The following BPTF variants were observed in gnomAD, a reference collection of about 807,000 sequenced individuals.
BPTF encodes the protein bromodomain PHD finger transcription factor.
A neutral mutation model predicts 292.5 loss-of-function variants in BPTF; 18 were observed. The observed-to-expected ratio is 0.06, with a 90% CI of 0.04 to 0.09. The LOEUF is 0.09. Ranked by LOEUF, BPTF falls within the 10% of genes least tolerant of loss-of-function variation. The probability of loss-of-function intolerance (pLI) is 1.00; values close to 1 mark genes in which losing one functional copy is unlikely to be tolerated. For synonymous variants in BPTF, 1,225 were observed against 1,251.9 expected (o/e 0.98, Z 0.45); for missense variants, 2,726 against 3,498.7 (o/e 0.78, Z 5.57).
intron 18 of BPTF, among the ~76,000 whole-genome samples, chr17:67,939,458 G>C (rs928066447): frequency 1.3e-5 from 2 of 152,132 alleles, no homozygotes; most frequent in African/African-American, 2.4e-5. Context: ...TTCTACATGG[G>C]GGAAAATTCC....
chr17:67,979,815 C>T (rs1470271320), intron 27 of BPTF, among the ~76,000 whole-genome samples: 4 of 151,284 alleles, frequency 2.6e-5, no homozygotes, highest in African/African-American at 4.9e-5. Context: ...CCGAGGCGGG[C>T]GGATCACCTA....
intron 3 of BPTF, among the ~76,000 whole-genome samples, chr17:67,871,158 A>T (rs993195001): frequency 5.9e-5 from 9 of 152,100 alleles, no homozygotes; most frequent in Non-Finnish European, 1.0e-4. Context: ...TCTATTTTTG[A>T]TAGTTAAATT....
chr17:67,882,889 TC>T (rs2060508596), intron 4 of BPTF, among the ~76,000 whole-genome samples: 1 of 151,272 alleles, frequency 6.6e-6, no homozygotes, highest in African/African-American at 2.4e-5. Context: ...TCCTAGCTAC[TC>T]AGGAGGCTGA....
At chr17:67,941,683 G>A (rs1568129687) in intron 19 of BPTF, among the ~76,000 whole-genome samples, 1 of 152,068 alleles carries the variant, frequency 6.6e-6, no homozygotes, top group Non-Finnish European at 1.5e-5. Flanking sequence ...TGTGAAATTG[G>A]ACCATTATTA....
At chr17:67,904,498 A>G (rs562690759) in intron 8 of BPTF, among the ~76,000 whole-genome samples, 21 of 152,352 alleles carry the variant, frequency 1.4e-4, no homozygotes, top group Non-Finnish European at 2.6e-4. Flanking sequence ...AAAAAGGAGT[A>G]TTAGTTCATT....
At chr17:67,900,269 T>A (rs1428783708) in intron 7 of BPTF, among the ~76,000 whole-genome samples, 6 of 152,022 alleles carry the variant, frequency 3.9e-5, no homozygotes, top group African/African-American at 1.4e-4. Context: ...AATGCCCGGC[T>A]AATTTTCGTA....
intron 27 of BPTF, among the ~76,000 whole-genome samples, chr17:67,978,838 A>G (rs1350523930): frequency 6.6e-6 from 1 of 152,166 alleles, no homozygotes; most frequent in African/African-American, 2.4e-5. Flanking sequence ...AGGGATAAAA[A>G]TGAAAGGCAA....
intron 3 of BPTF, among the ~76,000 whole-genome samples, chr17:67,872,430 A>G (rs1380489538): frequency 1.3e-5 from 2 of 152,116 alleles, no homozygotes; most frequent in African/African-American, 4.8e-5. Context: ...GTGTTTGAAA[A>G]TGGCCGGGCG....
rs979653985 is a variant in BPTF at position 67,924,482 on chromosome 17, C to G, written c.5709-65C>G. 11 of 1,478,274 alleles carry G rather than the reference C, an allele frequency of 7.4e-6. No homozygotes were observed. The South Asian group carries it at 1.2e-4, about 16-fold the overall frequency. 91.6% of individuals were successfully genotyped at this position (1,478,274 alleles called of 1,614,324 possible). ...TGATGTGAAAATCAACCAGATTTCA[C>G]TCTTATTAGATGCCAGATGCCTAAC... is the stretch of plus-strand genomic sequence containing the variant. On this transcript the variant is annotated intron_variant, in intron 14 of 27. Transcript: ENST00000306378.
In BPTF at chr17:67,854,852, T is replaced by G; in HGVS notation, c.1436+90T>G. 1.1e-6 allele frequency: 1 copy of G among 893,740 alleles called. No individual in the cohort carries two copies. Among genetic ancestry groups the G allele is most frequent in the Non-Finnish European group, 1.7e-6 (1 of 582,350 alleles). 55.4% of individuals were successfully genotyped at this position (893,740 alleles called of 1,614,324 possible). A position where few individuals can be genotyped will look rare whatever the true frequency, so the allele number is the denominator to read the frequency against. On this transcript the variant is annotated intron_variant, in intron 2 of 27. Transcript: ENST00000306378. This position sits in a 1 kb window ranked among gnomAD's most constrained non-coding sequence, Gnocchi z 5.6. ...ATGTAGCAGAGCTATGCTGTTGATG[T>G]GGTATAAACCTTTGTAACTTAATAG...
At chr17:67,858,945 C>G (rs2058902610) in intron 2 of BPTF, among the ~76,000 whole-genome samples, 1 of 152,120 alleles carries the variant, frequency 6.6e-6, no homozygotes, top group African/African-American at 2.4e-5. Flanking sequence ...GCTCATTACA[C>G]AGTAATCAGT....
At chr17:67,882,659 C>G (rs1369300356) in intron 4 of BPTF, among the ~76,000 whole-genome samples, 1 of 152,200 alleles carries the variant, frequency 6.6e-6, no homozygotes, top group African/African-American at 2.4e-5. Flanking sequence ...TCTCATTATA[C>G]TACATTTCTA....
chr17:67,941,677 A>T (rs1417437134), intron 19 of BPTF, among the ~76,000 whole-genome samples: 1 of 152,190 alleles, frequency 6.6e-6, no homozygotes, highest in Non-Finnish European at 1.5e-5. Flanking sequence ...GGAAACTGTG[A>T]AATTGGACCA....
intron 23 of BPTF, among the ~76,000 whole-genome samples, chr17:67,949,884 G>A (rs892136670): frequency 4.0e-5 from 6 of 150,800 alleles, no homozygotes; most frequent in African/African-American, 1.2e-4. Flanking sequence ...GTGAAACTCC[G>A]TCTCTACTAA....
At chr17:67,968,467 C>T (rs2068373862) in intron 26 of BPTF, among the ~76,000 whole-genome samples, 1 of 151,324 alleles carries the variant, frequency 6.6e-6, no homozygotes, top group Non-Finnish European at 1.5e-5. Flanking sequence ...AGTAATAATA[C>T]AAGTTAATGG....
chr17:67,864,950 G>A (rs576414238), intron 2 of BPTF, among the ~76,000 whole-genome samples: 6 of 152,138 alleles, frequency 3.9e-5, no homozygotes, highest in East Asian at 3.9e-4. Flanking sequence ...GACGACAGGC[G>A]CCTGCCACCA....
chr17:67,840,161 G>GT (rs2057436815), intron 1 of BPTF, among the ~76,000 whole-genome samples: 1 of 149,120 alleles, frequency 6.7e-6, no homozygotes, highest in Admixed American at 6.7e-5. Context: ...GGAGAGCAAT[G>GT]GCACAGTCAC....
chr17:67,928,741 G>T (rs1482288370), intron 16 of BPTF, 140 bp downstream of exon 16: 5 of 1,171,590 alleles, frequency 4.3e-6, no homozygotes, highest in Non-Finnish European at 5.8e-6. Flanking sequence ...GTAACGGTTG[G>T]TTTGTTACAA....
chr17:67,959,027 C>A (rs1315259121), intron 23 of BPTF, among the ~76,000 whole-genome samples: 1 of 152,226 alleles, frequency 6.6e-6, no homozygotes, highest in Non-Finnish European at 1.5e-5. Flanking sequence ...ACTCTCCCTG[C>A]AGTCTGAAAT....
Sources: gnomAD v4.1 joint callset for allele counts (sites outside exome capture counted in the v4.1 genomes callset) on GRCh38, gnomAD v4.1.1 for gene constraint, Gnocchi (gnomAD v3.1) non-coding constraint, MANE v1.5 for transcripts, NCBI Gene and HGNC (gene_info 2026-07-23, HGNC 2026-07-21) for gene names.